The following EIF2B3 variants were observed in gnomAD, a reference collection of about 807,000 sequenced individuals.
The protein encoded by EIF2B3 is translation initiation factor eIF2B subunit gamma.
EIF2B3 carries 20 observed loss-of-function variants against 54.1 expected under a neutral mutation model. The ratio of observed to expected loss-of-function variants is 0.37; its 90% CI spans 0.26 to 0.54. The LOEUF is 0.54. Among genes scored for constraint, EIF2B3 ranks in the 20% least tolerant of loss-of-function variants. The pLI is 0.86. For synonymous variants in EIF2B3, 153 were observed against 188.1 expected, an observed-to-expected ratio of 0.81 and a Z score of 1.52; for missense variants, 448 against 547.8, an observed-to-expected ratio of 0.82 and a Z score of 1.82.
rs1557683198 is a variant in EIF2B3, at chr1:44,914,764, C to T, written c.566+11864G>A. ...AGTGCAGTAGCACGGTCTTGGCTCA[C>T]TGCTAGCTCCGCCACCCTGTTTCAC... On this transcript the variant is annotated intron_variant, in intron 5 of 11. Coordinates refer to ENST00000360403, the MANE Select transcript of EIF2B3 (RefSeq NM_020365.5). Among the ~76,000 whole-genome samples the T allele has an allele frequency of 2.6e-5, 4 of 152,112 alleles. No homozygotes were observed. In the South Asian group the frequency reaches 8.3e-4, roughly 32 times the overall value.
At chr1:44,909,675 G>T (rs1643476107) in intron 5 of EIF2B3, among the ~76,000 whole-genome samples, 1 of 152,138 alleles carries the variant, frequency 6.6e-6, no homozygotes, top group African/African-American at 2.4e-5. Flanking sequence ...GTACAAAAGA[G>T]TAAGAATACA....
At chr1:44,896,780 GAC>G (rs1655986250) in intron 6 of EIF2B3, among the ~76,000 whole-genome samples, 1 of 152,202 alleles carries the variant, frequency 6.6e-6, no homozygotes, top group Admixed American at 6.5e-5. Context: ...TGATCTGCCA[GAC>G]ACAATCTCTG....
Position 44,919,883 on chromosome 1 carries a change from C to CTTTTTTTTTTTTTTTTT in EIF2B3, c.566+6728_566+6744dup, listed in dbSNP as rs1194645004. ...ACGCATGCGACAACATGCCTGGCTA[C>CTTTTTTTTTTTTTTTTT]TTTTTTTTTTTTTTTTTTAGTAGAT... is the stretch of plus-strand genomic sequence containing the variant. On this transcript the variant is annotated intron_variant, in intron 5 of 11. Coordinates refer to ENST00000360403, the MANE Select transcript of EIF2B3 (RefSeq NM_020365.5). 8.0e-4 allele frequency among the ~76,000 whole-genome samples: 94 copies of CTTTTTTTTTTTTTTTTT among 117,184 alleles called. 2 individuals carry two copies. Among genetic ancestry groups the CTTTTTTTTTTTTTTTTT allele is most frequent in the East Asian group, 1.3e-3 (5 of 3,906 alleles). The allele number at this position is 117,184 out of a possible 152,430, so 76.9% of individuals were successfully genotyped here.
intron 8 of EIF2B3, among the ~76,000 whole-genome samples, chr1:44,876,127 C>G (rs1216733517): frequency 6.6e-6 from 1 of 152,176 alleles, no homozygotes; most frequent in Non-Finnish European, 1.5e-5. Flanking sequence ...GTGATCTCGG[C>G]TAGCTACAAC....
At chr1:44,866,122 G>C (rs991932118) in intron 10 of EIF2B3, among the ~76,000 whole-genome samples, 1 of 152,086 alleles carries the variant, frequency 6.6e-6, no homozygotes, top group African/African-American at 2.4e-5. Flanking sequence ...ATTTAGCCAG[G>C]CATGGTGGCT....
At chr1:44,863,877 T>C (rs1654687871) in intron 10 of EIF2B3, among the ~76,000 whole-genome samples, 1 of 152,232 alleles carries the variant, frequency 6.6e-6, no homozygotes, top group Admixed American at 6.5e-5. Context: ...GGTAATGATA[T>C]ATATAATACT....
At chr1:44,946,723 A>G (rs1399241018) in intron 3 of EIF2B3, among the ~76,000 whole-genome samples, 1 of 148,786 alleles carries the variant, frequency 6.7e-6, no homozygotes, top group African/African-American at 2.5e-5. Context: ...TCAGCCTCCC[A>G]AAGTGCTGGA....
chr1:44,959,103 A>C lies in EIF2B3; in HGVS notation c.295-17438T>G. The C allele has an allele frequency of 3.9e-6, 3 of 764,212 alleles. No homozygotes were observed. The Admixed American group carries it at 5.9e-5, about 15-fold the overall frequency. The allele number at this position is 764,212 out of a possible 1,614,324, so 47.3% of individuals were successfully genotyped here. A position where few individuals can be genotyped will look rare whatever the true frequency, so the allele number is the denominator to read the frequency against. ...AAGGCCTCTATGATAGCCTTAGGCTACGTAACATCCCTATTGCTAACCGTG... is the reference window on the plus strand; with the variant it reads ...AAGGCCTCTATGATAGCCTTAGGCTCCGTAACATCCCTATTGCTAACCGTG... On this transcript the variant is annotated intron_variant, in intron 3 of 11. Transcript: ENST00000360403.
rs263978 is a variant in EIF2B3 at position 44,897,320 on chromosome 1, T to C, written c.656+35A>G. The stretch of plus-strand genomic sequence containing the variant: ...GGAATTCACAAAGTAGCTTGTTAAG[T>C]ACTGTAGGTTTGACTCTACCACCCT... On this transcript the variant is annotated intron_variant, in intron 6 of 11. Coordinates refer to ENST00000360403, the MANE Select transcript of EIF2B3 (RefSeq NM_020365.5). 0.6 allele frequency: 871,646 copies of C among 1,458,560 alleles called. 270,853 individuals carry two copies. The highest frequency in any genetic ancestry group is 0.98 in the East Asian group (43,409 of 44,184). 90.4% of individuals were successfully genotyped at this position (1,458,560 alleles called of 1,614,324 possible).
intron 11 of EIF2B3, among the ~76,000 whole-genome samples, chr1:44,853,998 T>TG (rs1389847914): frequency 2.7e-5 from 4 of 150,936 alleles, no homozygotes; most frequent in African/African-American, 9.8e-5. Flanking sequence ...GTTAGTGTTT[T>TG]TTTTTTTTGT....
chr1:44,906,179 CAGGTCATGCCCATCATG>C (rs760931386), intron 5 of EIF2B3, among the ~76,000 whole-genome samples: 1 of 152,186 alleles, frequency 6.6e-6, no homozygotes, highest in Non-Finnish European at 1.5e-5. Flanking sequence ...GACATTTCAG[CAGGTCATGCCCATCATG>C]AGGTAGAGTC....
chr1:44,935,159 T>C (rs1643934077), intron 4 of EIF2B3, among the ~76,000 whole-genome samples: 1 of 152,234 alleles, frequency 6.6e-6, no homozygotes, highest in Non-Finnish European at 1.5e-5. Flanking sequence ...ACATTTTCTA[T>C]TTCAAGTATT....
intron 6 of EIF2B3, among the ~76,000 whole-genome samples, chr1:44,895,614 A>C (rs565666827): frequency 5.2e-4 from 79 of 152,248 alleles, no homozygotes; most frequent in Middle Eastern, 6.8e-3. Context: ...TTAACTATAC[A>C]TGCTGAAATA....
intron 4 of EIF2B3, among the ~76,000 whole-genome samples, chr1:44,928,073 G>C (rs1643869246): frequency 6.6e-6 from 1 of 152,052 alleles, no homozygotes; most frequent in Non-Finnish European, 1.5e-5. Flanking sequence ...GATCCCTTTA[G>C]CCTGGGAGGC....
chr1:44,866,623 C>T (rs1654792778), intron 10 of EIF2B3, among the ~76,000 whole-genome samples: 1 of 151,766 alleles, frequency 6.6e-6, no homozygotes, highest in Non-Finnish European at 1.5e-5. Context: ...AGTGCAACCT[C>T]GGCTCACTGC....
chr1:44,950,261 A>G (rs1054363311), intron 3 of EIF2B3, among the ~76,000 whole-genome samples: 4 of 152,168 alleles, frequency 2.6e-5, no homozygotes, highest in Non-Finnish European at 5.9e-5. Context: ...TATCTCTACA[A>G]AAAATTTTAA....
At chr1:44,943,533 C>T (rs936841139) in intron 3 of EIF2B3, among the ~76,000 whole-genome samples, 1 of 151,756 alleles carries the variant, frequency 6.6e-6, no homozygotes, top group African/African-American at 2.4e-5. Flanking sequence ...GATCCTCCCA[C>T]CTCAGCCTCC....
intron 5 of EIF2B3, among the ~76,000 whole-genome samples, chr1:44,915,489 G>A (rs1221963937): frequency 1.3e-5 from 2 of 151,656 alleles, no homozygotes; most frequent in Non-Finnish European, 2.9e-5. Context: ...AGCCACCTAA[G>A]CAGCTGGGAT....
intron 3 of EIF2B3, among the ~76,000 whole-genome samples, chr1:44,955,468 G>A (rs1336063499): frequency 2.0e-5 from 3 of 152,050 alleles, no homozygotes; most frequent in Admixed American, 6.6e-5. Flanking sequence ...AAGACTCCAC[G>A]ACTAAAACAC....
Sources: allele counts gnomAD v4.1 joint callset (sites outside exome capture counted in the v4.1 genomes callset), GRCh38; gene constraint gnomAD v4.1.1; transcripts MANE v1.5; gene names NCBI Gene and HGNC (gene_info 2026-07-23, HGNC 2026-07-21).